The following SCTR variants were observed in gnomAD, a reference collection of about 807,000 sequenced individuals.
SCTR encodes pancreatic secretin receptor.
SCTR carries 56 observed loss-of-function variants against 60.8 expected under a neutral mutation model. That is an observed-to-expected ratio of 0.92 (90% CI 0.74 to 1.15). The LOEUF is 1.15. Among genes scored for constraint, SCTR ranks in the 50% most tolerant of loss-of-function variants. The pLI, the probability that SCTR is intolerant of heterozygous loss-of-function variation, is 0.00. For missense variants in SCTR, 562 were observed against 550.4 expected (o/e 1.02, Z -0.21); for synonymous variants, 202 against 217.0 (o/e 0.93, Z 0.61).
chr2:119,472,109 G>T (rs753123123), intron 4 of SCTR, among the ~76,000 whole-genome samples: 13 of 152,220 alleles, frequency 8.5e-5, no homozygotes, highest in Non-Finnish European at 1.8e-4. Context: ...CACAGCAGGT[G>T]CTCAGTGAGT....
rs71997216 is a variant in SCTR at position 119,506,942 on chromosome 2, GTCAATA to G, written c.73-12400_73-12395del. ...TATTCTGTATCTTGACTGCAGCAAT[GTCAATA>G]TCATGATTGTAATCTTGTACTGTCT... On this transcript the variant is annotated intron_variant, in intron 1 of 12. Coordinates refer to ENST00000019103, the MANE Select transcript of SCTR (RefSeq NM_002980.3). Among the ~76,000 whole-genome samples, 653 of 152,326 alleles carry G rather than the reference GTCAATA, an allele frequency of 4.3e-3. 4 individuals carry two copies. Among genetic ancestry groups the G allele is most frequent in the African/African-American group, 0.014 (595 of 41,574 alleles).
chr2:119,464,285 G>A (rs57757577), intron 5 of SCTR, 30 bp from the exon 6 acceptor site: 266,427 of 1,611,896 alleles, frequency 0.17, 23,709 homozygotes, highest in South Asian at 0.28. Context: ...GGACATAGAG[G>A]CCAGAGCCTG....
In SCTR at chr2:119,488,877, A is replaced by C. The variant is rs535597997; in HGVS notation, c.193+5551T>G. 2.6e-5 allele frequency among the ~76,000 whole-genome samples: 4 copies of C among 152,330 alleles called. No homozygotes were observed. In the East Asian group the frequency reaches 7.7e-4, roughly 29 times the overall value. ...AGGAGTGGGGAGAATCCTCTAGCCC[A>C]AGAGCCCCATAAAGGAAGAGTGGCA... On this transcript the variant is annotated intron_variant, in intron 2 of 12. Transcript: ENST00000019103.
intron 2 of SCTR, among the ~76,000 whole-genome samples, chr2:119,482,246 G>T (rs1478660618): frequency 6.6e-6 from 1 of 152,234 alleles, no homozygotes; most frequent in Non-Finnish European, 1.5e-5. Flanking sequence ...GGTTAGGGGG[G>T]ATGCTGGCCT....
intron 3 of SCTR, among the ~76,000 whole-genome samples, chr2:119,477,732 T>G (rs974831574): frequency 6.6e-6 from 1 of 152,208 alleles, no homozygotes; most frequent in Non-Finnish European, 1.5e-5. Flanking sequence ...ATTACAGGTG[T>G]GAGCCACCGC....
intron 1 of SCTR, among the ~76,000 whole-genome samples, chr2:119,521,962 C>T (rs1390444818): frequency 6.6e-6 from 1 of 152,144 alleles, no homozygotes; most frequent in Admixed American, 6.5e-5. Context: ...ACACAGGAAA[C>T]CATCTTGTGA....
intron 1 of SCTR, among the ~76,000 whole-genome samples, chr2:119,495,112 T>TAC (rs10558765): frequency 1.3e-5 from 2 of 150,818 alleles, no homozygotes; most frequent in South Asian, 2.1e-4. Context: ...GATATAGATT[T>TAC]ACACACACAC....
chr2:119,523,956 C>A (rs1679370872), intron 1 of SCTR, among the ~76,000 whole-genome samples, 199 bp downstream of exon 1: 1 of 152,124 alleles, frequency 6.6e-6, no homozygotes, highest in African/African-American at 2.4e-5. Flanking sequence ...CTGGCGCGCA[C>A]GATGTTTTTC....
chr2:119,517,389 G>A (rs1679147925), intron 1 of SCTR, among the ~76,000 whole-genome samples: 1 of 152,140 alleles, frequency 6.6e-6, no homozygotes, highest in Non-Finnish European at 1.5e-5. Flanking sequence ...TGAACTCCCA[G>A]GCTCAAGCCA....
chr2:119,483,950 A>C (rs898084803), intron 2 of SCTR, among the ~76,000 whole-genome samples: 1 of 152,024 alleles, frequency 6.6e-6, no homozygotes. Flanking sequence ...CAGTCCCCCA[A>C]GCCAAGCAGG....
At chr2:119,510,519 A>T (rs528775738) in intron 1 of SCTR, among the ~76,000 whole-genome samples, 2 of 152,296 alleles carry the variant, frequency 1.3e-5, no homozygotes, top group South Asian at 4.1e-4. Context: ...TGCTATCTAC[A>T]TCAACCTAGA....
intron 2 of SCTR, among the ~76,000 whole-genome samples, chr2:119,491,665 C>T (rs1441206883): frequency 1.3e-5 from 2 of 152,294 alleles, no homozygotes; most frequent in East Asian, 1.9e-4. Context: ...GCGCCCACAA[C>T]CACACCCGGC....
chr2:119,443,307 G>C (rs866943085), intron 11 of SCTR, among the ~76,000 whole-genome samples: 1 of 152,164 alleles, frequency 6.6e-6, no homozygotes, highest in Non-Finnish European at 1.5e-5. Flanking sequence ...GGGCATGATA[G>C]AGAATTAAAC....
intron 7 of SCTR, among the ~76,000 whole-genome samples, chr2:119,458,534 G>A (rs1214829822): frequency 6.6e-6 from 1 of 151,798 alleles, no homozygotes; most frequent in East Asian, 1.9e-4. Flanking sequence ...CCGGGAGGCG[G>A]AGCTTGCAGT....
chr2:119,494,512 C>G lies in SCTR; in HGVS notation c.109G>C (p.Val37Leu). Residue 37 changes from valine (V) to leucine (L), a missense_variant, in exon 2 of 13, where the codon GTG becomes CTG. Transcript: ENST00000019103. ...CACTGGTCTTGCTCTTCCCACAGCA[C>G]TTGTAGCACGTCACATAGTCGGGGA... ...ALPRLCDVLQVLWEEQDQCLQ... is the reference protein window; with the variant it reads ...ALPRLCDVLQLLWEEQDQCLQ... The G allele has an allele frequency of 6.2e-7, 1 of 1,614,128 alleles. No individual in the cohort carries two copies. The highest frequency in any genetic ancestry group is 8.5e-7 in the Non-Finnish European group (1 of 1,179,966).
chr2:119,443,296 T>C (rs1403407486), intron 11 of SCTR, among the ~76,000 whole-genome samples: 2 of 152,322 alleles, frequency 1.3e-5, no homozygotes, highest in Admixed American at 1.3e-4. Context: ...ATGCTCATGA[T>C]GGGCATGATA....
At chr2:119,472,265 G>T (rs1369924630) in intron 4 of SCTR, among the ~76,000 whole-genome samples, 3 of 152,234 alleles carry the variant, frequency 2.0e-5, no homozygotes, top group African/African-American at 7.2e-5. Flanking sequence ...CTTCCCGTGG[G>T]GAGGGGAAGA....
chr2:119,451,649 CA>C (rs916113908), intron 9 of SCTR, among the ~76,000 whole-genome samples: 1 of 152,200 alleles, frequency 6.6e-6, no homozygotes, highest in Non-Finnish European at 1.5e-5. Context: ...AGTTAACAAG[CA>C]AATCCCTAGA....
Position 119,439,856 on chromosome 2 carries a change from CA to C in SCTR, c.*260del. On this transcript the variant is annotated 3_prime_UTR_variant, in exon 13 of 13. Coordinates refer to ENST00000019103, the MANE Select transcript of SCTR (RefSeq NM_002980.3). ...GACAAATATAGATTGAATCTCATCC[CA>C]GGCACCATTTATTTCCCTGTCCCTT... 1 of 463,954 alleles carries C rather than the reference CA, an allele frequency of 2.2e-6. No individual in the cohort carries two copies. The highest frequency in any genetic ancestry group is 3.7e-5 in the Admixed American group (1 of 27,136). The allele number at this position is 463,954 out of a possible 1,614,324, so 28.7% of individuals were successfully genotyped here.
Sources: allele counts gnomAD v4.1 joint callset (sites outside exome capture counted in the v4.1 genomes callset), GRCh38; gene constraint gnomAD v4.1.1; transcripts MANE v1.5; gene names NCBI Gene and HGNC (gene_info 2026-07-23, HGNC 2026-07-21).